MAP2K5: variants seen among roughly 807,000 people sequenced by gnomAD.
MAP2K5 encodes mitogen-activated protein kinase kinase 5, also known as dual specificity mitogen-activated protein kinase kinase 5.
MAP2K5 carries 49 observed loss-of-function variants against 83.1 expected under a neutral mutation model. The ratio of observed to expected loss-of-function variants is 0.59; its 90% CI spans 0.47 to 0.75. The LOEUF is 0.75. Ranked by LOEUF, MAP2K5 falls within the 30% of genes least tolerant of loss-of-function variation. The pLI is 0.00. For missense variants in MAP2K5, 457 were observed against 557.5 expected, an observed-to-expected ratio of 0.82 and a Z score of 1.82; for synonymous variants, 202 against 191.8, an observed-to-expected ratio of 1.05 and a Z score of -0.44.
rs920010099 is a variant in MAP2K5, at chr15:67,757,832, G to T, written c.1134+9231G>T. Among the ~76,000 whole-genome samples the T allele has an allele frequency of 6.6e-6, 1 of 152,116 alleles. No individual in the cohort carries two copies. ...TAGCCATATAAATTCTATAATTAAA[G>T]TGTGGCCAAGGTGCTGGGGAAACAC... On this transcript the variant is annotated intron_variant, in intron 19 of 21. Transcript: ENST00000178640. The surrounding 1 kb of genome is among the most constrained non-coding windows in gnomAD (Gnocchi z 4.9).
intron 11 of MAP2K5, among the ~76,000 whole-genome samples, chr15:67,649,887 A>G (rs2086913153): frequency 1.3e-5 from 2 of 152,332 alleles, no homozygotes; most frequent in Admixed American, 1.3e-4. Flanking sequence ...AAAAAAATCC[A>G]GCTGGGATTT....
chr15:67,628,863 G>C (rs540431813), intron 8 of MAP2K5: 4 of 748,872 alleles, frequency 5.3e-6, no homozygotes, highest in African/African-American at 1.7e-5. Context: ...GATGGCAGCC[G>C]TGGTGATGGT....
At chr15:67,729,206 TTA>T (rs1166062816) in intron 17 of MAP2K5, among the ~76,000 whole-genome samples, 1 of 152,210 alleles carries the variant, frequency 6.6e-6, no homozygotes, top group Non-Finnish European at 1.5e-5. Flanking sequence ...TTTTCAGGAT[TTA>T]TAGCTCATTA....
At chr15:67,582,591 AGGTGGATT>A (rs2085202460) in intron 4 of MAP2K5, among the ~76,000 whole-genome samples, 1 of 152,084 alleles carries the variant, frequency 6.6e-6, no homozygotes, top group Non-Finnish European at 1.5e-5. Context: ...AAGCTGAGGC[AGGTGGATT>A]GCTTGAGCTC....
intron 13 of MAP2K5, among the ~76,000 whole-genome samples, chr15:67,680,546 A>G (rs189655125): frequency 6.6e-6 from 1 of 152,330 alleles, no homozygotes; most frequent in Admixed American, 6.5e-5. Context: ...AGTTTTAAAG[A>G]CACTTTGAGG....
At position 67,760,647 on chromosome 15, in the gene MAP2K5, G is replaced by T. The variant is rs376949819; in HGVS notation, c.1135-8955G>T. Among the ~76,000 whole-genome samples, 117 of 152,072 alleles carry T rather than the reference G, an allele frequency of 7.7e-4. 1 individual carries two copies. In the South Asian group the frequency reaches 0.017, roughly 22 times the overall value. ...GCAGTCATTGAACAAGTAGCTTTGT[G>T]TTATTTCCTTTGAATTGTCCATGAA... On this transcript the variant is annotated intron_variant, in intron 19 of 21. Transcript: ENST00000178640. The surrounding 1 kb of genome is among the most constrained non-coding windows in gnomAD (Gnocchi z 4.1).
In MAP2K5 at chr15:67,565,114, G is replaced by A. The variant is rs1242896676; in HGVS notation, c.252+1764G>A. Among the ~76,000 whole-genome samples, 2 of 152,166 alleles carry A rather than the reference G, an allele frequency of 1.3e-5. No individual in the cohort carries two copies. The highest frequency in any genetic ancestry group is 2.1e-4 in the South Asian group (1 of 4,828). Reference sequence around the variant, plus strand: ...AAGGTCTTAGAGCTAGTATGAATGTGAATATGGAATTTAAGTTCAGTTTCT... The same window carrying A: ...AAGGTCTTAGAGCTAGTATGAATGTAAATATGGAATTTAAGTTCAGTTTCT... On this transcript the variant is annotated intron_variant, in intron 3 of 21. Transcript: ENST00000178640. This position sits in a 1 kb window ranked among gnomAD's most constrained non-coding sequence, Gnocchi z 4.1.
At chr15:67,582,617 T>A (rs2085203124) in intron 4 of MAP2K5, among the ~76,000 whole-genome samples, 1 of 151,970 alleles carries the variant, frequency 6.6e-6, no homozygotes, top group Admixed American at 6.6e-5. Flanking sequence ...CTCAAGAGTT[T>A]GAGACCAGCT....
rs1368199849 is a variant in MAP2K5, at chr15:67,720,258, A to G, written c.1045-7658A>G. 6.6e-6 allele frequency among the ~76,000 whole-genome samples: 1 copy of G among 152,162 alleles called. No homozygotes were observed. Among genetic ancestry groups the G allele is most frequent in the East Asian group, 1.9e-4 (1 of 5,206 alleles). On this transcript the variant is annotated intron_variant, in intron 16 of 21. Coordinates refer to ENST00000178640, the MANE Select transcript of MAP2K5 (RefSeq NM_145160.3). This position sits in a 1 kb window ranked among gnomAD's most constrained non-coding sequence, Gnocchi z 5.7. ...TACACAAACATAAACACACGCATAT[A>G]TATACACACACATATGCTTATATAT...
At chr15:67,723,454 G>A (rs944607854) in intron 16 of MAP2K5, among the ~76,000 whole-genome samples, 1 of 152,134 alleles carries the variant, frequency 6.6e-6, no homozygotes, top group African/African-American at 2.4e-5. Context: ...CTATTTAAGT[G>A]TATCCCCAAC....
rs1212262556 is a variant in MAP2K5 at position 67,708,620 on chromosome 15, CCTGG to C, written c.1044+5216_1044+5219del. ...CTAGGACTACAGGTGTACCACTGCA[CCTGG>C]CTGAACGCCTTCATTGTTTTAAACC... On this transcript the variant is annotated intron_variant, in intron 16 of 21. Coordinates refer to ENST00000178640, the MANE Select transcript of MAP2K5 (RefSeq NM_145160.3). This position sits in a 1 kb window ranked among gnomAD's most constrained non-coding sequence, Gnocchi z 4.9. Among the ~76,000 whole-genome samples the C allele has an allele frequency of 6.6e-6, 1 of 152,100 alleles. No individual in the cohort carries two copies. Among genetic ancestry groups the C allele is most frequent in the Non-Finnish European group, 1.5e-5 (1 of 68,006 alleles).
chr15:67,740,649 AAG>A (rs2089471341), intron 17 of MAP2K5, among the ~76,000 whole-genome samples: 1 of 152,186 alleles, frequency 6.6e-6, no homozygotes, highest in Non-Finnish European at 1.5e-5. Flanking sequence ...GTATATAAAA[AAG>A]ATTTATATAC....
At position 67,747,613 on chromosome 15, in the gene MAP2K5, A is replaced by G. The variant is rs571634438; in HGVS notation, c.1075-618A>G. On this transcript the variant is annotated intron_variant, in intron 17 of 21. Coordinates refer to ENST00000178640, the MANE Select transcript of MAP2K5 (RefSeq NM_145160.3). The surrounding 1 kb of genome is among the most constrained non-coding windows in gnomAD (Gnocchi z 4.1). ...TTACTGGACTCTGCATTTATTCCCT[A>G]AAAATCAGTGTGAAACTTCCATGAA... 1.3e-5 allele frequency among the ~76,000 whole-genome samples: 2 copies of G among 152,176 alleles called. No individual in the cohort carries two copies. Among genetic ancestry groups the G allele is most frequent in the Non-Finnish European group, 2.9e-5 (2 of 68,024 alleles).
At chr15:67,744,226 G>T (rs2089556164) in intron 17 of MAP2K5, among the ~76,000 whole-genome samples, 1 of 152,052 alleles carries the variant, frequency 6.6e-6, no homozygotes. Flanking sequence ...TGAAAAGAGA[G>T]TCCTTGCAAA....
intron 8 of MAP2K5, among the ~76,000 whole-genome samples, chr15:67,629,767 G>C (rs1453127123): frequency 6.6e-6 from 1 of 152,110 alleles, no homozygotes; most frequent in East Asian, 1.9e-4. Flanking sequence ...AAGATTTTTA[G>C]TTCTTCGAAA....
At chr15:67,599,284 A>G (rs1337751412) in intron 7 of MAP2K5, among the ~76,000 whole-genome samples, 2 of 152,198 alleles carry the variant, frequency 1.3e-5, no homozygotes, top group East Asian at 3.8e-4. Context: ...TCATTACTTC[A>G]CTGACCCTAA....
At chr15:67,682,346 C>G (rs1049229840) in intron 13 of MAP2K5, among the ~76,000 whole-genome samples, 3 of 151,828 alleles carry the variant, frequency 2.0e-5, no homozygotes, top group Non-Finnish European at 4.4e-5. Context: ...CCCTCAGCCT[C>G]CCAAGTAGCT....
At chr15:67,701,000 G>A (rs1412533483) in intron 15 of MAP2K5, among the ~76,000 whole-genome samples, 2 of 151,600 alleles carry the variant, frequency 1.3e-5, no homozygotes, top group Non-Finnish European at 2.9e-5. Flanking sequence ...TATTTCAGTG[G>A]GCAAATGTAA....
chr15:67,675,145 G>A (rs1014619799), intron 13 of MAP2K5, among the ~76,000 whole-genome samples: 3 of 152,148 alleles, frequency 2.0e-5, no homozygotes, highest in African/African-American at 4.8e-5. Flanking sequence ...AAACCTGTAC[G>A]CAAGTGTTTA....
Sources: allele counts gnomAD v4.1 joint callset (sites outside exome capture counted in the v4.1 genomes callset), GRCh38; gene constraint gnomAD v4.1.1; non-coding constraint Gnocchi (gnomAD v3.1); transcripts MANE v1.5; gene names NCBI Gene and HGNC (gene_info 2026-07-23, HGNC 2026-07-21).